Variants in SLC22A4 observed in about 807,000 individuals in gnomAD.
The protein encoded by SLC22A4 is ET transporter.
SLC22A4 carries 39 observed loss-of-function variants against 56.6 expected under a neutral mutation model. The observed-to-expected ratio is 0.69, with a 90% confidence interval of 0.53 to 0.90. The LOEUF (loss-of-function observed/expected upper bound fraction) is 0.90. Among genes scored for constraint, SLC22A4 ranks in the 40% least tolerant of loss-of-function variants. The pLI is 0.00. For synonymous variants in SLC22A4, 241 were observed against 281.4 expected, an observed-to-expected ratio of 0.86 and a Z score of 1.44; for missense variants, 594 against 696.5, an observed-to-expected ratio of 0.85 and a Z score of 1.66.
chr5:132,334,821 G>A lies in SLC22A4; in HGVS notation c.1150G>A (p.Ala384Thr), dbSNP rs1750971392. 1 of 1,613,804 alleles carries A rather than the reference G, an allele frequency of 6.2e-7. No homozygotes were observed. The highest frequency in any genetic ancestry group is 2.2e-5 in the East Asian group (1 of 44,892). The change falls in exon 7 of 10, where the codon GCT becomes ACT. Residue 384 changes from alanine (A) to threonine (T), a missense_variant. By Grantham distance (58) the Ala-to-Thr change is moderately conservative (BLOSUM62 0). Coordinates refer to ENST00000200652, the MANE Select transcript of SLC22A4 (RefSeq NM_003059.3). The stretch of plus-strand genomic sequence containing the variant: ...CCTCTCTGCCTTGATTGAAATTCCA[G>A]CTTACATTACAGCCTGGCTGCTATT... ...CFLSALIEIP[A>T]YITAWLLLRT...
At position 132,294,850 on chromosome 5, in the gene SLC22A4, C is replaced by G; in HGVS notation, c.234C>G (p.Pro78=). 6.2e-7 allele frequency: 1 copy of G among 1,609,202 alleles called. No individual in the cohort carries two copies. Among genetic ancestry groups the G allele is most frequent in the East Asian group, 2.2e-5 (1 of 44,782 alleles). ...PLRLRDGREV[P]HSCSRYRLAT... ...GGCTGCGGGACGGCCGCGAGGTGCCCCACAGCTGCAGCCGCTACCGGCTCG... is the reference window on the plus strand; with the variant it reads ...GGCTGCGGGACGGCCGCGAGGTGCCGCACAGCTGCAGCCGCTACCGGCTCG... Residue 78 remains proline (P), a synonymous_variant, in exon 1 of 10, where the codon CCC becomes CCG. Transcript: ENST00000200652. The surrounding 1 kb of genome is among the most constrained non-coding windows in gnomAD (Gnocchi z 5.6).
rs1262239243 is a variant in SLC22A4, at chr5:132,294,647, C to T, written c.31C>T (p.Leu11=). MRDYDEVIAF[L]GEWGPFQRLI... ...GGACTACGACGAGGTGATCGCCTTC[C>T]TGGGCGAGTGGGGGCCCTTCCAGCG... Residue 11 remains leucine (L), a synonymous_variant, in exon 1 of 10, where the codon CTG becomes TTG. Coordinates refer to ENST00000200652, the MANE Select transcript of SLC22A4 (RefSeq NM_003059.3). The surrounding 1 kb of genome is among the most constrained non-coding windows in gnomAD (Gnocchi z 5.6). 6.2e-7 allele frequency: 1 copy of T among 1,614,190 alleles called. No individual in the cohort carries two copies.
intron 1 of SLC22A4, among the ~76,000 whole-genome samples, chr5:132,298,237 G>A (rs1749823553): frequency 6.6e-6 from 1 of 152,214 alleles, no homozygotes; most frequent in African/African-American, 2.4e-5. Context: ...AGCAACCCAA[G>A]TGTCCTTCCA....
At chr5:132,312,743 C>T (rs1750217909) in intron 2 of SLC22A4, among the ~76,000 whole-genome samples, 1 of 152,246 alleles carries the variant, frequency 6.6e-6, no homozygotes, top group African/African-American at 2.4e-5. Flanking sequence ...CTGATGCTGG[C>T]TCTGACCCTC....
Position 132,338,494 on chromosome 5 carries a change from A to G in SLC22A4, c.1445-2071A>G, listed in dbSNP as rs570825305. ...ACAACCGGTCTGACCAAAATTTATT[A>G]GGTGGGAATTTCCTCATCCTAACAA... On this transcript the variant is annotated intron_variant, in intron 8 of 9. Transcript: ENST00000200652. Among the ~76,000 whole-genome samples, 649 of 152,330 alleles carry G rather than the reference A, an allele frequency of 4.3e-3. 5 individuals are homozygous for G. The highest frequency in any genetic ancestry group is 0.015 in the African/African-American group (613 of 41,564).
rs76240188 is a variant in SLC22A4, at chr5:132,333,175, A to G, written c.1046+1325A>G. On this transcript the variant is annotated intron_variant, in intron 6 of 9. Coordinates refer to ENST00000200652, the MANE Select transcript of SLC22A4 (RefSeq NM_003059.3). The stretch of plus-strand genomic sequence containing the variant: ...TATCCTCTGCTTCTCAGTCATGTTA[A>G]TAATAAGCAAATTTCTACACAGGGG... Among the ~76,000 whole-genome samples, 391 of 152,330 alleles carry G rather than the reference A, an allele frequency of 2.6e-3. 1 individual carries two copies. Among genetic ancestry groups the G allele is most frequent in the African/African-American group, 9.0e-3 (374 of 41,572 alleles).
At chr5:132,343,631 C>A (rs748815500) in intron 9 of SLC22A4, 129 bp from the exon 10 acceptor site, 63 of 665,442 alleles carry the variant, frequency 9.5e-5, no homozygotes, top group African/African-American at 1.5e-4. Context: ...CCATGAGGTT[C>A]TCATTAGAGT....
chr5:132,301,642 A>G lies in SLC22A4; in HGVS notation c.393+6633A>G, dbSNP rs529752781. Among the ~76,000 whole-genome samples, 4 of 152,330 alleles carry G rather than the reference A, an allele frequency of 2.6e-5. No individual in the cohort carries two copies. The South Asian group carries it at 6.2e-4, about 24-fold the overall frequency. ...GAAGGATAAGGCCTCTTCCCCTGCTAACGGGGAACTTCTGGGAGGCACTGA... is the reference window on the plus strand; with the variant it reads ...GAAGGATAAGGCCTCTTCCCCTGCTGACGGGGAACTTCTGGGAGGCACTGA... On this transcript the variant is annotated intron_variant, in intron 1 of 9. Transcript: ENST00000200652.
intron 2 of SLC22A4, among the ~76,000 whole-genome samples, 157 bp downstream of exon 2, chr5:132,312,421 AC>A (rs1004635185): frequency 4.0e-5 from 6 of 151,262 alleles, no homozygotes; most frequent in African/African-American, 1.5e-4. Flanking sequence ...TCTCCTATTC[AC>A]CCCGCCCTCA....
At chr5:132,317,481 G>C (rs767664933) in intron 3 of SLC22A4, among the ~76,000 whole-genome samples, 56 of 152,228 alleles carry the variant, frequency 3.7e-4, no homozygotes, top group Non-Finnish European at 7.8e-4. Flanking sequence ...TTTCAAGGTT[G>C]ATCCATGTTG....
chr5:132,306,627 G>A (rs1258769044), intron 1 of SLC22A4, among the ~76,000 whole-genome samples: 1 of 150,924 alleles, frequency 6.6e-6, no homozygotes, highest in Non-Finnish European at 1.5e-5. Context: ...TGCATTTTTA[G>A]TAGAGACAGG....
chr5:132,306,958 G>A (rs1028290224), intron 1 of SLC22A4, among the ~76,000 whole-genome samples: 12 of 152,184 alleles, frequency 7.9e-5, no homozygotes, highest in African/African-American at 2.2e-4. Context: ...AGGAAGTAGC[G>A]AATGAGGAGT....
chr5:132,336,566 A>G (rs1751032468), intron 8 of SLC22A4, among the ~76,000 whole-genome samples: 1 of 152,176 alleles, frequency 6.6e-6, no homozygotes, highest in Admixed American at 6.6e-5. Flanking sequence ...GAATAAACAC[A>G]CAAATAACAT....
chr5:132,311,814 C>T lies in SLC22A4; in HGVS notation c.394-347C>T, dbSNP rs1750188138. 7.7e-6 allele frequency: 3 copies of T among 390,906 alleles called. No individual in the cohort carries two copies. In the Admixed American group the frequency reaches 1.1e-4, roughly 14 times the overall value. The allele number at this position is 390,906 out of a possible 1,614,324, so 24.2% of individuals were successfully genotyped here. A position where few individuals can be genotyped will look rare whatever the true frequency, so the allele number is the denominator to read the frequency against. On this transcript the variant is annotated intron_variant, in intron 1 of 9. Coordinates refer to ENST00000200652, the MANE Select transcript of SLC22A4 (RefSeq NM_003059.3). ...GCTGGCTTCTGAAGATGCAGTGCCA[C>T]CTTTACTTTGGACTGCCTCACAGCT...
intron 8 of SLC22A4, among the ~76,000 whole-genome samples, chr5:132,337,349 T>TGCA (rs1751056538): frequency 6.8e-6 from 1 of 146,874 alleles, no homozygotes; most frequent in Non-Finnish European, 1.5e-5. Context: ...CCCAGCTCAC[T>TGCA]GCAGCCTCAA....
At chr5:132,337,739 CTT>C (rs751483738) in intron 8 of SLC22A4, among the ~76,000 whole-genome samples, 2,033 of 141,852 alleles carry the variant, frequency 0.014, 29 homozygotes, top group African/African-American at 0.038. Context: ...TTCTTTGCCC[CTT>C]TTTTTTTTTT....
chr5:132,313,400 G>A (rs1400493388), intron 2 of SLC22A4, among the ~76,000 whole-genome samples: 1 of 152,212 alleles, frequency 6.6e-6, no homozygotes. Flanking sequence ...GAGACATGGT[G>A]TCTCCACAGG....
intron 3 of SLC22A4, 46 bp downstream of exon 3, chr5:132,313,814 G>T: frequency 6.3e-7 from 1 of 1,574,804 alleles, no homozygotes. Context: ...CTAACCCTCT[G>T]AAAGGCCCAG....
At position 132,313,656 on chromosome 5, in the gene SLC22A4, G is replaced by A; in HGVS notation, c.540G>A (p.Gln180=). 1 of 1,614,216 alleles carries A rather than the reference G, an allele frequency of 6.2e-7. No individual in the cohort carries two copies. The highest frequency in any genetic ancestry group is 8.5e-7 in the Non-Finnish European group (1 of 1,180,010). Residue 180 remains glutamine (Q), a synonymous_variant, in exon 3 of 10, where the codon CAG becomes CAA. Coordinates refer to ENST00000200652, the MANE Select transcript of SLC22A4 (RefSeq NM_003059.3). ...KNVLFATMAV[Q]TGFSFLQIFS... is the part of the protein sequence containing the mutation. ...TTCTCTTCGCAACCATGGCTGTACA[G>A]ACTGGCTTCAGCTTCCTGCAGATTT...
Sources: allele counts gnomAD v4.1 joint callset (sites outside exome capture counted in the v4.1 genomes callset), GRCh38; gene constraint gnomAD v4.1.1; non-coding constraint Gnocchi (gnomAD v3.1); transcripts MANE v1.5; gene names NCBI Gene and HGNC (gene_info 2026-07-23, HGNC 2026-07-21).